The following CSGALNACT1 variants were observed in gnomAD, a reference collection of about 807,000 sequenced individuals.
CSGALNACT1 encodes the protein beta4GalNAcT-1.
A neutral mutation model predicts 51.0 loss-of-function variants in CSGALNACT1; 52 were observed. The ratio of observed to expected loss-of-function variants is 1.02; its 90% confidence interval spans 0.82 to 1.29. CSGALNACT1 has a LOEUF of 1.29. Among genes scored for constraint, CSGALNACT1 ranks in the 50% most tolerant of loss-of-function variants. CSGALNACT1 has a pLI of 0.00. For synonymous variants in CSGALNACT1, 341 were observed against 254.4 expected (o/e 1.34, Z -3.24); for missense variants, 935 against 679.2 (o/e 1.38, Z -4.19).
chr8:19,649,077 T>A (rs755780204), intron 1 of CSGALNACT1, among the ~76,000 whole-genome samples: 21 of 152,192 alleles, frequency 1.4e-4, no homozygotes, highest in Non-Finnish European at 2.8e-4. Flanking sequence ...ATTTGCCTAC[T>A]GTATTCTGTG....
intron 3 of CSGALNACT1, among the ~76,000 whole-genome samples, chr8:19,510,449 C>G (rs906192476): frequency 6.6e-6 from 1 of 152,178 alleles, no homozygotes; most frequent in African/African-American, 2.4e-5. Flanking sequence ...AGGATTCTGT[C>G]TTTATTCATC....
chr8:19,589,283 T>C (rs2047306524), intron 3 of CSGALNACT1, among the ~76,000 whole-genome samples: 2 of 152,216 alleles, frequency 1.3e-5, no homozygotes, highest in Non-Finnish European at 2.9e-5. Flanking sequence ...ATTCTAAAGC[T>C]ACCTAATTTT....
At chr8:19,410,531 T>G (rs1159069851) in intron 8 of CSGALNACT1, among the ~76,000 whole-genome samples, 1 of 152,078 alleles carries the variant, frequency 6.6e-6, no homozygotes, top group African/African-American at 2.4e-5. Flanking sequence ...GAGGATCACA[T>G]GGAATTTAAA....
intron 1 of CSGALNACT1, among the ~76,000 whole-genome samples, chr8:19,645,646 T>A (rs1260405143): frequency 1.3e-5 from 2 of 152,234 alleles, no homozygotes; most frequent in Non-Finnish European, 2.9e-5. Flanking sequence ...ATGGAAGCTG[T>A]AAGTCCATTA....
chr8:19,490,783 T>C (rs559040584), intron 4 of CSGALNACT1, among the ~76,000 whole-genome samples: 2 of 152,272 alleles, frequency 1.3e-5, no homozygotes, highest in South Asian at 4.1e-4. Flanking sequence ...GCTCCAGCCT[T>C]GGTATTTAGG....
At chr8:19,461,905 T>C (rs1461407822) in intron 4 of CSGALNACT1, among the ~76,000 whole-genome samples, 295 of 137,032 alleles carry the variant, frequency 2.2e-3, no homozygotes, top group East Asian at 7.4e-3. Flanking sequence ...CCATGGAGGG[T>C]GTATCCGCAC....
chr8:19,493,069 A>C (rs2074717278), intron 4 of CSGALNACT1, among the ~76,000 whole-genome samples: 1 of 151,846 alleles, frequency 6.6e-6, no homozygotes, highest in Admixed American at 6.6e-5. Flanking sequence ...AAAAAAAAAA[A>C]AACATCTGTA....
At chr8:19,637,904 T>G (rs982612733) in intron 1 of CSGALNACT1, among the ~76,000 whole-genome samples, 3 of 151,406 alleles carry the variant, frequency 2.0e-5, no homozygotes, top group Non-Finnish European at 4.4e-5. Flanking sequence ...TTAGTTGAGG[T>G]TAGCCACAGG....
chr8:19,605,041 T>C (rs1210825993), upstream of CSGALNACT1, among the ~76,000 whole-genome samples: 2 of 151,984 alleles, frequency 1.3e-5, no homozygotes, highest in Non-Finnish European at 1.5e-5. Flanking sequence ...CAGCCCACCC[T>C]GATCCCCTAT....
At chr8:19,728,931 A>C (rs1430568080) in intron 1 of CSGALNACT1, among the ~76,000 whole-genome samples, 1 of 152,102 alleles carries the variant, frequency 6.6e-6, no homozygotes, top group Non-Finnish European at 1.5e-5. Context: ...ATTTCTAAGG[A>C]GCTATGGGTT....
intron 9 of CSGALNACT1, among the ~76,000 whole-genome samples, chr8:19,407,093 C>T (rs2054360996): frequency 6.6e-6 from 1 of 152,186 alleles, no homozygotes; most frequent in Non-Finnish European, 1.5e-5. Flanking sequence ...TCCAAGAACA[C>T]CTGCTGTTAG....
chr8:19,425,802 G>A (rs2153709728), intron 6 of CSGALNACT1, among the ~76,000 whole-genome samples: 1 of 152,220 alleles, frequency 6.6e-6, no homozygotes, highest in Non-Finnish European at 1.5e-5. Flanking sequence ...GCATGGCTGG[G>A]GCATCCTATC....
intron 1 of CSGALNACT1, among the ~76,000 whole-genome samples, chr8:19,642,565 G>A (rs1000921522): frequency 3.3e-5 from 5 of 152,128 alleles, no homozygotes; most frequent in Admixed American, 6.5e-5. Flanking sequence ...GAGCTCAGGA[G>A]TTTGAGACCA....
chr8:19,628,425 C>T (rs1304963482), intron 1 of CSGALNACT1, among the ~76,000 whole-genome samples: 1 of 152,194 alleles, frequency 6.6e-6, no homozygotes, highest in Non-Finnish European at 1.5e-5. Flanking sequence ...GATCCAGTGA[C>T]CTCCCACCAG....
In CSGALNACT1 at chr8:19,661,977, G is replaced by A. The variant is rs1337892878; in HGVS notation, c.-544+20496C>T. Among the ~76,000 whole-genome samples, 6 of 150,490 alleles carry A rather than the reference G, an allele frequency of 4.0e-5. No individual in the cohort carries two copies. The East Asian group carries it at 9.8e-4, about 25-fold the overall frequency. On this transcript the variant is annotated intron_variant, in intron 1 of 9. Coordinates refer to the CSGALNACT1 transcript ENST00000332246. ...TTCCATAGCAGTCATTCCCCTTCCT[G>A]GTGTTCACTATCCTGGGATAAGAGC...
intron 1 of CSGALNACT1, among the ~76,000 whole-genome samples, chr8:19,734,210 AC>A (rs2063842817): frequency 6.6e-6 from 1 of 152,210 alleles, no homozygotes; most frequent in Admixed American, 6.5e-5. Flanking sequence ...TGAAATCTAC[AC>A]CTTGTACCAA....
At chr8:19,575,166 T>C (rs1201369875) in intron 3 of CSGALNACT1, among the ~76,000 whole-genome samples, 2 of 152,212 alleles carry the variant, frequency 1.3e-5, no homozygotes, top group Non-Finnish European at 2.9e-5. Flanking sequence ...AATGCAATTT[T>C]AAAATTCCAT....
intron 9 of CSGALNACT1, among the ~76,000 whole-genome samples, chr8:19,408,326 C>CT (rs1251521121): frequency 6.6e-6 from 1 of 152,040 alleles, no homozygotes; most frequent in African/African-American, 2.4e-5. Flanking sequence ...ATTTGATTTT[C>CT]TTTTTGGAGT....
At chr8:19,450,105 AGGGGAAGAGGAGGGAGAAG>A (rs2062847367) in intron 5 of CSGALNACT1, among the ~76,000 whole-genome samples, 2 of 36,734 alleles carry the variant, frequency 5.4e-5, no homozygotes, top group Admixed American at 3.1e-4. Flanking sequence ...GGGAGGAGGA[AGGGGAAGAGGAGGGAGAAG>A]AGGAGGAGGT....
Sources: allele counts gnomAD v4.1 joint callset (sites outside exome capture counted in the v4.1 genomes callset), GRCh38; gene constraint gnomAD v4.1.1; transcripts MANE v1.5; gene names NCBI Gene and HGNC (gene_info 2026-07-23, HGNC 2026-07-21).